PCDHGA5: variants seen among roughly 807,000 people sequenced by gnomAD.
The protein encoded by PCDHGA5 is protocadherin gamma subfamily A, 5, also known as protocadherin gamma-A5.
PCDHGA5 carries 36 observed loss-of-function variants against 56.7 expected under a neutral mutation model. That is an observed-to-expected ratio of 0.64 (90% CI 0.49 to 0.84). The LOEUF is 0.84. Ranked by LOEUF, PCDHGA5 falls within the 40% of genes least tolerant of loss-of-function variation. The probability of loss-of-function intolerance (pLI) is 0.00; values close to 1 mark genes in which losing one functional copy is unlikely to be tolerated. For synonymous variants in PCDHGA5, 563 were observed against 520.2 expected, an observed-to-expected ratio of 1.08 and a Z score of -1.12; for missense variants, 1,305 against 1,201.5, an observed-to-expected ratio of 1.09 and a Z score of -1.27.
Position 141,490,536 on chromosome 5 carries a change from T to C in PCDHGA5, c.2422-4271T>C. ...TGCTGGCCAGCGATGCTGGTTCACCTTCCCTACACAAACATCTCACCATCA... is the reference window on the plus strand; with the variant it reads ...TGCTGGCCAGCGATGCTGGTTCACCCTCCCTACACAAACATCTCACCATCA... On this transcript the variant is annotated intron_variant, in intron 1 of 3. Transcript: ENST00000518069. The surrounding 1 kb of genome is among the most constrained non-coding windows in gnomAD (Gnocchi z 5.4). The C allele has an allele frequency of 1.9e-6, 3 of 1,614,150 alleles. No individual in the cohort carries two copies. The highest frequency in any genetic ancestry group is 2.5e-6 in the Non-Finnish European group (3 of 1,180,010).
rs780664832 is a variant in PCDHGA5 at position 141,422,982 on chromosome 5, T to C, written c.2421+56231T>C. On this transcript the variant is annotated intron_variant, in intron 1 of 3. Coordinates refer to ENST00000518069, the MANE Select transcript of PCDHGA5 (RefSeq NM_018918.3). ...AGCTGGCGCCCCGCTCTGCGGAACC[T>C]GGCTACCTGGTGACCAAGGTGGTTG... 2.5e-6 allele frequency: 4 copies of C among 1,614,206 alleles called. No individual in the cohort carries two copies. The South Asian group carries it at 4.4e-5, about 18-fold the overall frequency.
At chr5:141,371,614 A>T in intron 1 of PCDHGA5, 2 of 1,614,024 alleles carry the variant, frequency 1.2e-6, no homozygotes, top group Non-Finnish European at 1.7e-6. Context: ...TTGGTGACAG[A>T]TGGAGCCCTG....
intron 1 of PCDHGA5, chr5:141,430,655 G>T (rs1309165721): frequency 1.6e-5 from 17 of 1,084,938 alleles, no homozygotes; most frequent in Non-Finnish European, 2.2e-5. Flanking sequence ...TGGAAACAAC[G>T]GAGGAGCTCT....
At chr5:141,403,261 G>A in intron 1 of PCDHGA5, 1 of 1,613,852 alleles carries the variant, frequency 6.2e-7, no homozygotes, top group East Asian at 2.2e-5. Flanking sequence ...CGCGGTGTCT[G>A]GTGAACTTTA....
intron 1 of PCDHGA5, chr5:141,427,983 C>T (rs1390934748): frequency 1.3e-6 from 2 of 1,596,840 alleles, no homozygotes; most frequent in Admixed American, 1.7e-5. Flanking sequence ...CGCGCTGGGG[C>T]CCGATGGCTC....
chr5:141,456,042 C>T (rs1437027249), intron 1 of PCDHGA5, among the ~76,000 whole-genome samples: 3 of 151,886 alleles, frequency 2.0e-5, no homozygotes, highest in Non-Finnish European at 2.9e-5. Flanking sequence ...GGACTACAGG[C>T]GCCCACCACC....
At chr5:141,380,165 G>C (rs900894194) in intron 1 of PCDHGA5, among the ~76,000 whole-genome samples, 2 of 152,092 alleles carry the variant, frequency 1.3e-5, no homozygotes, top group Non-Finnish European at 2.9e-5. Flanking sequence ...CTCTCAAAGG[G>C]CTGGGATTAC....
intron 1 of PCDHGA5, chr5:141,383,667 A>G (rs1167694570): frequency 1.9e-6 from 3 of 1,614,020 alleles, no homozygotes; most frequent in Non-Finnish European, 2.5e-6. Context: ...AGAATGTGCC[A>G]GTGGGTACAA....
chr5:141,472,494 C>T (rs561045783), intron 1 of PCDHGA5, among the ~76,000 whole-genome samples: 9 of 151,168 alleles, frequency 6.0e-5, no homozygotes, highest in South Asian at 2.1e-4. Context: ...GAGACGAGAT[C>T]GTGCCACTGC....
chr5:141,415,863 G>A, intron 1 of PCDHGA5: 4 of 1,107,154 alleles, frequency 3.6e-6, no homozygotes, highest in Non-Finnish European at 4.7e-6. Flanking sequence ...GTAGTTTATA[G>A]TGTTGTTGAG....
chr5:141,395,084 C>A (rs757269551), intron 1 of PCDHGA5: 1 of 1,614,190 alleles, frequency 6.2e-7, no homozygotes, highest in South Asian at 1.1e-5. Flanking sequence ...CCCAGGAAGT[C>A]TCCCTCACCG....
rs374140638 is a variant in PCDHGA5 at position 141,487,759 on chromosome 5, C to T, written c.2422-7048C>T. ...TTGTAAGAGGTAACTATGTGGTAGA[C>T]GCTGTGCTTTGTAACTGTTTCGTGA... On this transcript the variant is annotated intron_variant, in intron 1 of 3. Transcript: ENST00000518069. The surrounding 1 kb of genome is among the most constrained non-coding windows in gnomAD (Gnocchi z 5.0). 45 of 1,546,278 alleles carry T rather than the reference C, an allele frequency of 2.9e-5. No individual in the cohort carries two copies. The highest frequency in any genetic ancestry group is 1.1e-4 in the African/African-American group (8 of 73,160).
intron 1 of PCDHGA5, 192 bp downstream of exon 1, chr5:141,366,943 A>T (rs1481461689): frequency 1.3e-6 from 1 of 775,624 alleles, no homozygotes; most frequent in Non-Finnish European, 2.0e-6. Context: ...AGTCTAGCTG[A>T]TATCTGTAGA....
rs1266306756 is a variant in PCDHGA5, at chr5:141,365,726, C to T, written c.1396C>T (p.Pro466Ser). 6.2e-7 allele frequency: 1 copy of T among 1,613,804 alleles called. No individual in the cohort carries two copies. The highest frequency in any genetic ancestry group is 2.2e-5 in the East Asian group (1 of 44,878). The change falls in exon 1 of 4, where the codon CCC (proline) becomes TCC (serine). Residue 466 changes from proline (P) to serine (S), a missense_variant. Physicochemically the swap from Pro to Ser is moderately conservative, Grantham distance 74. Transcript: ENST00000518069. ...SYSTSVTENN[P>S]RGVSIFSVTA... ...CTCCACCTCTGTCACAGAAAACAATCCCAGAGGTGTCTCTATCTTCTCTGT... is the reference window on the plus strand; with the variant it reads ...CTCCACCTCTGTCACAGAAAACAATTCCAGAGGTGTCTCTATCTTCTCTGT...
chr5:141,388,310 A>G, intron 1 of PCDHGA5: 1 of 1,613,880 alleles, frequency 6.2e-7, no homozygotes, highest in Non-Finnish European at 8.5e-7. Flanking sequence ...AGCTGCAAAT[A>G]AGTGAGTCTG....
intron 1 of PCDHGA5, chr5:141,478,786 C>T: frequency 6.8e-7 from 1 of 1,480,998 alleles, no homozygotes; most frequent in Non-Finnish European, 9.0e-7. Context: ...ACCTAATTCA[C>T]ATCCTCAGCA....
At chr5:141,474,452 G>A (rs1341193950) in intron 1 of PCDHGA5, among the ~76,000 whole-genome samples, 1 of 152,158 alleles carries the variant, frequency 6.6e-6, no homozygotes, top group Non-Finnish European at 1.5e-5. Flanking sequence ...CAAGTGATTG[G>A]GCTATACTCT....
chr5:141,410,518 C>T (rs753664223), intron 1 of PCDHGA5: 1 of 1,613,820 alleles, frequency 6.2e-7, no homozygotes, highest in Non-Finnish European at 8.5e-7. Flanking sequence ...GCAGTGTGCC[C>T]CTACATTCCA....
chr5:141,477,063 A>G lies in PCDHGA5; in HGVS notation c.2422-17744A>G, dbSNP rs2099404387. 6.2e-7 allele frequency: 1 copy of G among 1,614,248 alleles called. No individual in the cohort carries two copies. On this transcript the variant is annotated intron_variant, in intron 1 of 3. Coordinates refer to ENST00000518069, the MANE Select transcript of PCDHGA5 (RefSeq NM_018918.3). The surrounding 1 kb of genome is among the most constrained non-coding windows in gnomAD (Gnocchi z 4.9). Reference sequence around the variant, plus strand: ...GGTCGGCTGGACTTCGAGGACACCAAACTCCATGAGATTTACATCCAGGCC... The same window carrying G: ...GGTCGGCTGGACTTCGAGGACACCAGACTCCATGAGATTTACATCCAGGCC...
Sources: allele counts gnomAD v4.1 joint callset (sites outside exome capture counted in the v4.1 genomes callset), GRCh38; gene constraint gnomAD v4.1.1; non-coding constraint Gnocchi (gnomAD v3.1); transcripts MANE v1.5; gene names NCBI Gene and HGNC (gene_info 2026-07-23, HGNC 2026-07-21).